OCA2: variants seen among roughly 807,000 people sequenced by gnomAD.
The protein encoded by OCA2 is OCA2 melanosomal transmembrane protein.
A neutral mutation model predicts 100.2 loss-of-function variants in OCA2; 77 were observed. The ratio of observed to expected loss-of-function variants is 0.77; its 90% CI spans 0.64 to 0.93. OCA2 has a LOEUF of 0.93. Ranked by LOEUF, OCA2 falls within the 40% of genes least tolerant of loss-of-function variation. The pLI, the probability that OCA2 is intolerant of heterozygous loss-of-function variation, is 0.00. For missense variants in OCA2, 1,062 were observed against 1,089.1 expected (o/e 0.98, Z 0.35); for synonymous variants, 432 against 439.2 (o/e 0.98, Z 0.21).
Position 27,927,018 on chromosome 15 carries a change from G to A in OCA2, c.1952-764C>T, listed in dbSNP as rs375449991. Reference sequence around the variant, plus strand: ...AGATCCTTCACTGTTGGCCGGGCCCGATGGCTCACGCCTGTAATCCCAGCA... The same window carrying A: ...AGATCCTTCACTGTTGGCCGGGCCCAATGGCTCACGCCTGTAATCCCAGCA... On this transcript the variant is annotated intron_variant, in intron 18 of 23. Coordinates refer to ENST00000354638, the MANE Select transcript of OCA2 (RefSeq NM_000275.3). Among the ~76,000 whole-genome samples the A allele has an allele frequency of 1.7e-4, 26 of 152,296 alleles. No individual in the cohort carries two copies. The South Asian group carries it at 2.3e-3, about 13-fold the overall frequency.
At chr15:27,742,750 T>C in the OCA2 span, among the ~76,000 whole-genome samples, 7 of 152,308 alleles carry the variant, frequency 4.6e-5, no homozygotes, top group South Asian at 1.2e-3. Context: ...ATATGTATGA[T>C]AGAATCCGAA....
chr15:27,801,151 A>G (rs1207068270), intron 23 of OCA2, among the ~76,000 whole-genome samples: 1 of 152,194 alleles, frequency 6.6e-6, no homozygotes, highest in African/African-American at 2.4e-5. Context: ...GGCCATAATT[A>G]CCCTACTATG....
chr15:27,779,461 T>G (rs2032420934), intron 23 of OCA2, among the ~76,000 whole-genome samples: 1 of 152,238 alleles, frequency 6.6e-6, no homozygotes. Context: ...TGCATATATA[T>G]TTATAATTGT....
chr15:28,023,483 C>T (rs1267735073), intron 5 of OCA2, among the ~76,000 whole-genome samples: 1 of 152,176 alleles, frequency 6.6e-6, no homozygotes, highest in African/African-American at 2.4e-5. Flanking sequence ...ACATGCCACG[C>T]GTGCAGGTCA....
At chr15:27,955,313 T>C (rs1165508440) in intron 16 of OCA2, 98 bp from the exon 17 acceptor site, 3 of 895,274 alleles carry the variant, frequency 3.4e-6, no homozygotes, top group African/African-American at 1.6e-5. Context: ...GGACGCGGTC[T>C]GTGACTTGGA....
chr15:27,805,874 G>A (rs1005576387), intron 23 of OCA2, among the ~76,000 whole-genome samples: 4 of 152,142 alleles, frequency 2.6e-5, no homozygotes. Context: ...GGGATTCAAA[G>A]GCCACAGGGC....
At chr15:27,800,802 CAAAAAA>C (rs36031742) in intron 23 of OCA2, among the ~76,000 whole-genome samples, 2 of 137,794 alleles carry the variant, frequency 1.5e-5, no homozygotes, top group Non-Finnish European at 3.1e-5. Flanking sequence ...CTATCTCTAC[CAAAAAA>C]AAAAAAAAAA....
intron 19 of OCA2, among the ~76,000 whole-genome samples, chr15:27,881,511 A>G (rs968170354): frequency 6.6e-6 from 1 of 152,044 alleles, no homozygotes; most frequent in Non-Finnish European, 1.5e-5. Flanking sequence ...TATTATGGGT[A>G]GGCTGTTAAA....
chr15:27,764,063 CAGAG>C (rs1278516260), intron 23 of OCA2, among the ~76,000 whole-genome samples: 2 of 150,708 alleles, frequency 1.3e-5, no homozygotes, highest in Non-Finnish European at 3.0e-5. Flanking sequence ...GAGAGATAGA[CAGAG>C]GGAGAAATGG....
chr15:27,848,322 G>T (rs553652093), intron 22 of OCA2, among the ~76,000 whole-genome samples: 158 of 152,368 alleles, frequency 1.0e-3, no homozygotes, highest in Non-Finnish European at 1.4e-3. Context: ...TGGGGTGGTT[G>T]TGGGGTTCAC....
chr15:27,989,422 C>G (rs1303743188), intron 11 of OCA2, among the ~76,000 whole-genome samples, 179 bp downstream of exon 11: 2 of 152,296 alleles, frequency 1.3e-5, no homozygotes, highest in African/African-American at 4.8e-5. Context: ...CTCCCGCCCA[C>G]GAACCATAGC....
At chr15:27,823,883 C>G (rs765373599) in intron 23 of OCA2, among the ~76,000 whole-genome samples, 17 of 152,146 alleles carry the variant, frequency 1.1e-4, no homozygotes, top group Admixed American at 2.0e-4. Context: ...ATTTACATTG[C>G]AATACTAAGG....
chr15:27,813,856 G>C (rs2034174020), intron 23 of OCA2, among the ~76,000 whole-genome samples: 1 of 152,156 alleles, frequency 6.6e-6, no homozygotes, highest in African/African-American at 2.4e-5. Flanking sequence ...AAAATCTATA[G>C]AGAAAAGATG....
intron 22 of OCA2, among the ~76,000 whole-genome samples, chr15:27,847,706 A>C (rs2035589077): frequency 6.6e-6 from 1 of 152,268 alleles, no homozygotes; most frequent in Admixed American, 6.5e-5. Flanking sequence ...ATTTAAATTC[A>C]GAAGACCTCA....
In OCA2 at chr15:27,983,343, A is replaced by G; in HGVS notation, c.1503+2T>C. 6.2e-7 allele frequency: 1 copy of G among 1,614,172 alleles called. No homozygotes were observed. Among genetic ancestry groups the G allele is most frequent in the Non-Finnish European group, 8.5e-7 (1 of 1,180,034 alleles). ...AAGCAACCCTAGCATGCTGGTACGT[A>G]CCATCTTCCTCAGCTCTTGGTTGGA... On this transcript the variant is annotated splice_donor_variant, in intron 14 of 23. Coordinates refer to ENST00000354638, the MANE Select transcript of OCA2 (RefSeq NM_000275.3). LOFTEE classifies it high-confidence loss of function.
intron 21 of OCA2, among the ~76,000 whole-genome samples, chr15:27,864,856 C>T (rs1595537673): frequency 6.6e-6 from 1 of 152,000 alleles, no homozygotes; most frequent in East Asian, 2.0e-4. Flanking sequence ...TGCTGTTTCT[C>T]AGCGGTTCCA....
Position 27,985,173 on chromosome 15 carries a change from G to C in OCA2, c.1255C>G (p.Arg419Gly), listed in dbSNP as rs143218168. The C allele has an allele frequency of 3.1e-6, 5 of 1,613,774 alleles. No homozygotes were observed. The highest frequency in any genetic ancestry group is 3.3e-5 in the Admixed American group (2 of 60,020). ...YCAVKAYRLSRGRVWAMIIML... is the reference protein window; with the variant it reads ...YCAVKAYRLSGGRVWAMIIML... ...ATGATCATGGCCCACACCCGTCCCC[G>C]GGAGAGCCGGTATGCCTGGCCACAC... The change falls in exon 13 of 24, where the codon CGG (arginine) becomes GGG (glycine). Residue 419 changes from arginine (R) to glycine (G), a missense_variant. Arg to Gly is a moderately radical substitution (Grantham distance 125, BLOSUM62 -2). Coordinates refer to ENST00000354638, the MANE Select transcript of OCA2 (RefSeq NM_000275.3).
chr15:27,799,265 C>T (rs1169475313), intron 23 of OCA2, among the ~76,000 whole-genome samples: 1 of 152,162 alleles, frequency 6.6e-6, no homozygotes, highest in Non-Finnish European at 1.5e-5. Flanking sequence ...CTGTTCTAGC[C>T]CTGGGCACAC....
At chr15:27,881,244 C>T (rs2037002072) in intron 19 of OCA2, among the ~76,000 whole-genome samples, 1 of 152,158 alleles carries the variant, frequency 6.6e-6, no homozygotes, top group Admixed American at 6.5e-5. Context: ...TTTTGATGTG[C>T]TGCTGGATTC....
Sources: gnomAD v4.1 joint callset for allele counts (sites outside exome capture counted in the v4.1 genomes callset) on GRCh38, gnomAD v4.1.1 for gene constraint, MANE v1.5 for transcripts, NCBI Gene and HGNC (gene_info 2026-07-23, HGNC 2026-07-21) for gene names.